The following SORCS3 variants were observed in gnomAD, a reference collection of about 807,000 sequenced individuals.
The protein encoded by SORCS3 is sortilin related VPS10 domain containing receptor 3.
A neutral mutation model predicts 146.3 loss-of-function variants in SORCS3; 57 were observed. The ratio of observed to expected loss-of-function variants is 0.39; its 90% CI spans 0.31 to 0.49. The LOEUF (loss-of-function observed/expected upper bound fraction) is 0.49, where lower values mean the gene tolerates loss of function less well. Ranked by LOEUF, SORCS3 falls within the 20% of genes least tolerant of loss-of-function variation. The pLI is 0.92. For missense variants in SORCS3, 1,341 were observed against 1,575.5 expected, an observed-to-expected ratio of 0.85 and a Z score of 2.52; for synonymous variants, 653 against 618.5, an observed-to-expected ratio of 1.06 and a Z score of -0.83.
intron 7 of SORCS3, among the ~76,000 whole-genome samples, chr10:105,135,411 C>T (rs1221439666): frequency 2.0e-5 from 3 of 152,138 alleles, no homozygotes; most frequent in Non-Finnish European, 4.4e-5. Flanking sequence ...TCTGGTATGC[C>T]TTCTGGGCCA....
chr10:105,122,990 C>A lies in SORCS3; in HGVS notation c.1213-16407C>A, dbSNP rs116254151. Among the ~76,000 whole-genome samples the A allele has an allele frequency of 7.1e-3, 1,077 of 152,292 alleles. 17 individuals carry two copies. Among genetic ancestry groups the A allele is most frequent in the African/African-American group, 0.025 (1,021 of 41,554 alleles). On this transcript the variant is annotated intron_variant, in intron 7 of 26. Coordinates refer to ENST00000369701, the MANE Select transcript of SORCS3 (RefSeq NM_014978.3). ...TGATCTTGGGCCATCACCTTTCCTC[C>A]CTGAAGCTCAGTTTCCTTGTGGCAA...
intron 19 of SORCS3, among the ~76,000 whole-genome samples, chr10:105,220,246 A>G (rs1182198326): frequency 6.6e-6 from 1 of 152,148 alleles, no homozygotes; most frequent in African/African-American, 2.4e-5. Context: ...AAACTGCTAT[A>G]TGGTAGTGTT....
chr10:105,165,971 C>T (rs1408971131), intron 12 of SORCS3, among the ~76,000 whole-genome samples: 1 of 152,134 alleles, frequency 6.6e-6, no homozygotes, highest in African/African-American at 2.4e-5. Context: ...GGGTTCAACC[C>T]AGCATCTCCA....
intron 16 of SORCS3, among the ~76,000 whole-genome samples, chr10:105,204,507 CTAGA>C (rs1336959156): frequency 6.6e-6 from 1 of 152,054 alleles, no homozygotes; most frequent in Non-Finnish European, 1.5e-5. Flanking sequence ...ACCATTGGTA[CTAGA>C]ATCATAATAG....
chr10:104,761,353 A>G (rs951318664), intron 1 of SORCS3, among the ~76,000 whole-genome samples: 6 of 152,064 alleles, frequency 3.9e-5, no homozygotes, highest in African/African-American at 1.4e-4. Context: ...CGCTCCAGAT[A>G]CAGGAATGAA....
intron 8 of SORCS3, among the ~76,000 whole-genome samples, 166 bp downstream of exon 8, chr10:105,139,652 G>T (rs1398818714): frequency 6.6e-6 from 1 of 152,088 alleles, no homozygotes; most frequent in Non-Finnish European, 1.5e-5. Flanking sequence ...GCACAACCTG[G>T]ATTCTGTATT....
At chr10:105,062,339 C>T (rs1364002571) in intron 5 of SORCS3, among the ~76,000 whole-genome samples, 5 of 152,128 alleles carry the variant, frequency 3.3e-5, no homozygotes, top group African/African-American at 1.2e-4. Flanking sequence ...CACCCAGGGC[C>T]TCAGTTTCTT....
intron 5 of SORCS3, among the ~76,000 whole-genome samples, chr10:105,075,315 C>A (rs922763092): frequency 1.3e-5 from 2 of 152,170 alleles, no homozygotes; most frequent in African/African-American, 4.8e-5. Context: ...GTTTGCTCAT[C>A]TGTGGAATGG....
intron 1 of SORCS3, among the ~76,000 whole-genome samples, chr10:104,800,798 A>C (rs905462275): frequency 6.6e-6 from 1 of 152,212 alleles, no homozygotes; most frequent in African/African-American, 2.4e-5. Flanking sequence ...TCCTAAACAC[A>C]TGGATGGCTA....
intron 1 of SORCS3, among the ~76,000 whole-genome samples, chr10:104,736,449 T>C (rs1196080546): frequency 6.6e-6 from 1 of 152,224 alleles, no homozygotes; most frequent in Non-Finnish European, 1.5e-5. Context: ...CACATGTGTT[T>C]TGTTGCACAT....
rs780827525 is a variant in SORCS3, at chr10:104,915,876, G to A, written c.739G>A (p.Val247Met). ...CACCTATGAAAAGCTGAATGACAAA[G>A]TGGGTTTGAAGACTGTCCTCAGTTA... ...GTTYEKLNDKVGLKTVLSYLY... is the reference protein window; with the variant it reads ...GTTYEKLNDKMGLKTVLSYLY... The change falls in exon 3 of 27, where the codon GTG becomes ATG. Residue 247 changes from valine (V) to methionine (M), a missense_variant. By Grantham distance (21) the Val-to-Met change is conservative. Coordinates refer to ENST00000369701, the MANE Select transcript of SORCS3 (RefSeq NM_014978.3). The A allele has an allele frequency of 2.8e-5, 45 of 1,613,992 alleles. No individual in the cohort carries two copies. Among genetic ancestry groups the A allele is most frequent in the Non-Finnish European group, 3.6e-5 (43 of 1,180,012 alleles).
chr10:104,817,133 A>G (rs1322743819), intron 1 of SORCS3, among the ~76,000 whole-genome samples: 3 of 152,144 alleles, frequency 2.0e-5, no homozygotes, highest in Non-Finnish European at 2.9e-5. Flanking sequence ...ATCTACAGTC[A>G]TCTTGAAGGG....
At chr10:105,172,911 C>T (rs866873601) in intron 13 of SORCS3, among the ~76,000 whole-genome samples, 1 of 151,908 alleles carries the variant, frequency 6.6e-6, no homozygotes, top group Non-Finnish European at 1.5e-5. Context: ...TTCTTTCCAG[C>T]TTTATATATT....
At chr10:104,689,881 G>A (rs748700746) in intron 1 of SORCS3, among the ~76,000 whole-genome samples, 11 of 152,182 alleles carry the variant, frequency 7.2e-5, no homozygotes, top group Non-Finnish European at 1.3e-4. Context: ...TCTGTAAACC[G>A]TACCATCCCA....
rs1367507259 is a variant in SORCS3, at chr10:104,741,347, T to C, written c.627+99393T>C. Among the ~76,000 whole-genome samples, 3 of 152,176 alleles carry C rather than the reference T, an allele frequency of 2.0e-5. No homozygotes were observed. In the East Asian group the frequency reaches 5.8e-4, roughly 30 times the overall value. Reference sequence around the variant, plus strand: ...CCATCATAACAGCACACTTGGCCGTTGTGGTCCTGGCAGGCGTATCTGTCT... The same window carrying C: ...CCATCATAACAGCACACTTGGCCGTCGTGGTCCTGGCAGGCGTATCTGTCT... On this transcript the variant is annotated intron_variant, in intron 1 of 26. Transcript: ENST00000369701.
intron 3 of SORCS3, among the ~76,000 whole-genome samples, chr10:104,952,338 T>C (rs2019441232): frequency 1.4e-5 from 2 of 143,636 alleles, no homozygotes; most frequent in African/African-American, 2.5e-5. Context: ...CCCTGAGCCC[T>C]TGCTACTCAA....
chr10:104,938,915 C>T (rs764008660), intron 3 of SORCS3, among the ~76,000 whole-genome samples: 4 of 152,180 alleles, frequency 2.6e-5, no homozygotes, highest in Admixed American at 6.5e-5. Context: ...TTTCCCTGGA[C>T]GAGGCCTGTG....
chr10:105,122,682 G>C (rs1203413632), intron 7 of SORCS3, among the ~76,000 whole-genome samples: 1 of 152,204 alleles, frequency 6.6e-6, no homozygotes, highest in Non-Finnish European at 1.5e-5. Flanking sequence ...ACCAGACACT[G>C]TTCATAAACA....
intron 4 of SORCS3, among the ~76,000 whole-genome samples, chr10:105,005,453 A>C (rs1197913270): frequency 2.0e-5 from 3 of 152,232 alleles, no homozygotes; most frequent in African/African-American, 7.2e-5. Context: ...ATTGGGGATT[A>C]GGGAAATCCT....
Sources: allele counts gnomAD v4.1 joint callset (sites outside exome capture counted in the v4.1 genomes callset), GRCh38; gene constraint gnomAD v4.1.1; transcripts MANE v1.5; gene names NCBI Gene and HGNC (gene_info 2026-07-23, HGNC 2026-07-21).